Variants in COL26A1 observed in about 807,000 individuals in gnomAD.
The protein encoded by COL26A1 is collagen type XXVI alpha 1 chain.
COL26A1 carries 41 observed loss-of-function variants against 59.3 expected under a neutral mutation model. The ratio of observed to expected loss-of-function variants is 0.69; its 90% confidence interval spans 0.54 to 0.90. The LOEUF (loss-of-function observed/expected upper bound fraction) is 0.90. Ranked by LOEUF, COL26A1 falls within the 40% of genes least tolerant of loss-of-function variation. The pLI is 0.00. For synonymous variants in COL26A1, 266 were observed against 256.0 expected (o/e 1.04, Z -0.37); for missense variants, 612 against 602.3 (o/e 1.02, Z -0.17).
At chr7:101,499,009 G>A (rs961063612) in intron 3 of COL26A1, among the ~76,000 whole-genome samples, 9 of 152,340 alleles carry the variant, frequency 5.9e-5, no homozygotes, top group Non-Finnish European at 8.8e-5. Context: ...TTCCCTGAAG[G>A]GTTTGTAATA....
intron 3 of COL26A1, among the ~76,000 whole-genome samples, chr7:101,499,720 T>A (rs1001629891): frequency 1.3e-5 from 2 of 150,954 alleles, no homozygotes; most frequent in Non-Finnish European, 3.0e-5. Context: ...AAAATAAAAA[T>A]AAAAAAATTA....
intron 2 of COL26A1, among the ~76,000 whole-genome samples, chr7:101,422,372 G>GAAAAAAAAAAA (rs3072484): frequency 1.4e-5 from 1 of 72,978 alleles, no homozygotes; most frequent in Non-Finnish European, 2.4e-5. Context: ...GGTCCAAAAT[G>GAAAAAAAAAAA]AAAAAAAAAA....
At chr7:101,406,033 G>C (rs187510964) in intron 1 of COL26A1, among the ~76,000 whole-genome samples, 1 of 152,144 alleles carries the variant, frequency 6.6e-6, no homozygotes, top group African/African-American at 2.4e-5. Flanking sequence ...CACTCCCGGA[G>C]CCCCTCTCCC....
At chr7:101,478,824 A>G (rs763370590) in intron 3 of COL26A1, among the ~76,000 whole-genome samples, 1 of 152,206 alleles carries the variant, frequency 6.6e-6, no homozygotes, top group Non-Finnish European at 1.5e-5. Flanking sequence ...TATAAACAAA[A>G]CATACTATTG....
At position 101,520,662 on chromosome 7, in the gene COL26A1, A is replaced by ACACACACACACACACACACACACAC. The variant is rs915256077; in HGVS notation, c.386-12419_386-12418insACACACACACACACACACACACACC. ...CACACACACACACACACACACACAC[A>ACACACACACACACACACACACACAC]CCCCCGTGTTCTTGCATGTTTTTGC... is the stretch of plus-strand genomic sequence containing the variant. On this transcript the variant is annotated intron_variant, in intron 3 of 12. Coordinates refer to ENST00000313669, the MANE Select transcript of COL26A1 (RefSeq NM_001278563.3). 1.2e-3 allele frequency among the ~76,000 whole-genome samples: 177 copies of ACACACACACACACACACACACACAC among 143,338 alleles called. 1 individual carries two copies. The highest frequency in any genetic ancestry group is 4.4e-3 in the African/African-American group (169 of 38,712). The allele number at this position is 143,338 out of a possible 152,430, so 94.0% of individuals were successfully genotyped here. A position where few individuals can be genotyped will look rare whatever the true frequency, so the allele number is the denominator to read the frequency against.
intron 2 of COL26A1, among the ~76,000 whole-genome samples, chr7:101,431,559 T>C (rs955133849): frequency 1.3e-5 from 2 of 152,208 alleles, no homozygotes; most frequent in Non-Finnish European, 2.9e-5. Flanking sequence ...CATGCCCGGC[T>C]GTAAGGTTTT....
chr7:101,400,023 TGCGAGTGCTGTGGGCA>T (rs1791953869), intron 1 of COL26A1, among the ~76,000 whole-genome samples: 1 of 152,114 alleles, frequency 6.6e-6, no homozygotes, highest in African/African-American at 2.4e-5. Context: ...GTACAGTGGC[TGCGAGTGCTGTGGGCA>T]GAGTTGGAGG....
intron 3 of COL26A1, among the ~76,000 whole-genome samples, chr7:101,501,981 G>C (rs1349779596): frequency 6.6e-6 from 1 of 152,146 alleles, no homozygotes; most frequent in Non-Finnish European, 1.5e-5. Context: ...GGATTCACCA[G>C]ACACCTCCTC....
intron 7 of COL26A1, 23 bp downstream of exon 7, chr7:101,545,513 C>T (rs527847894): frequency 8.2e-6 from 13 of 1,586,234 alleles, no homozygotes; most frequent in Non-Finnish European, 1.1e-5. Context: ...CCTGGGGGGC[C>T]AAGGGAGGGC....
intron 1 of COL26A1, among the ~76,000 whole-genome samples, chr7:101,388,430 G>A (rs1791644674): frequency 6.6e-6 from 1 of 151,684 alleles, no homozygotes; most frequent in Admixed American, 6.6e-5. Context: ...CCGAGATCGC[G>A]CCATTACACT....
chr7:101,365,130 A>G (rs963779588), intron 1 of COL26A1, among the ~76,000 whole-genome samples: 11 of 152,196 alleles, frequency 7.2e-5, no homozygotes, highest in Admixed American at 2.0e-4. Flanking sequence ...TTGTTTGGAA[A>G]TACTTACCCG....
At chr7:101,429,505 T>A (rs1326828942) in intron 2 of COL26A1, among the ~76,000 whole-genome samples, 1 of 152,020 alleles carries the variant, frequency 6.6e-6, no homozygotes, top group Non-Finnish European at 1.5e-5. Context: ...CCACACAGTC[T>A]TGATTACTAT....
intron 1 of COL26A1, among the ~76,000 whole-genome samples, chr7:101,413,184 T>C (rs1792284032): frequency 6.6e-6 from 1 of 152,188 alleles, no homozygotes; most frequent in South Asian, 2.1e-4. Context: ...ACGGTTTGAT[T>C]GCTCCTCCCC....
intron 2 of COL26A1, among the ~76,000 whole-genome samples, chr7:101,445,481 C>T (rs1382423805): frequency 6.6e-6 from 1 of 151,848 alleles, no homozygotes; most frequent in African/African-American, 2.4e-5. Flanking sequence ...CCTGTAATCC[C>T]AGCACTTTGG....
At chr7:101,490,103 A>AT (rs1794426181) in intron 3 of COL26A1, among the ~76,000 whole-genome samples, 1 of 150,914 alleles carries the variant, frequency 6.6e-6, no homozygotes, top group Non-Finnish European at 1.5e-5. Context: ...CACATGGGTA[A>AT]TTTTTGTATT....
intron 3 of COL26A1, among the ~76,000 whole-genome samples, chr7:101,463,313 C>T (rs1793657562): frequency 6.6e-6 from 1 of 152,222 alleles, no homozygotes; most frequent in South Asian, 2.1e-4. Context: ...ATTATGTCTT[C>T]AAGATTCATC....
intron 2 of COL26A1, among the ~76,000 whole-genome samples, chr7:101,426,146 T>A (rs12539203): frequency 0.4 from 61,213 of 151,752 alleles, 14,826 homozygotes; most frequent in Admixed American, 0.54. Flanking sequence ...TTAGCATAGT[T>A]TTTCAGTTTT....
intron 3 of COL26A1, among the ~76,000 whole-genome samples, chr7:101,519,583 T>A (rs1215753668): frequency 6.6e-6 from 1 of 152,132 alleles, no homozygotes; most frequent in Non-Finnish European, 1.5e-5. Context: ...GAGATCCCAC[T>A]CAGCCACTGC....
chr7:101,428,808 C>T (rs1467571434), intron 2 of COL26A1, among the ~76,000 whole-genome samples: 6 of 151,906 alleles, frequency 3.9e-5, no homozygotes, highest in Non-Finnish European at 7.4e-5. Flanking sequence ...GCACCTGGCC[C>T]GCAAATAATT....
Sources: gnomAD v4.1 joint callset for allele counts (sites outside exome capture counted in the v4.1 genomes callset) on GRCh38, gnomAD v4.1.1 for gene constraint, MANE v1.5 for transcripts, NCBI Gene and HGNC (gene_info 2026-07-23, HGNC 2026-07-21) for gene names.